Variants in FHIT observed in about 807,000 individuals in gnomAD.
The protein encoded by FHIT is fragile histidine triad diadenosine triphosphatase.
Under a neutral mutation model 17.9 loss-of-function variants are expected in FHIT, and 19 were observed. The observed-to-expected ratio is 1.06, with a 90% CI of 0.74 to 1.56. The LOEUF is 1.56. Among genes scored for constraint, FHIT ranks in the 40% most tolerant of loss-of-function variants. FHIT has a pLI of 0.00. For synonymous variants in FHIT, 81 were observed against 69.7 expected (o/e 1.16, Z -0.81); for missense variants, 248 against 189.2 (o/e 1.31, Z -1.82).
intron 3 of FHIT, among the ~76,000 whole-genome samples, chr3:60,831,874 G>C (rs1011173002): frequency 2.0e-5 from 3 of 151,996 alleles, no homozygotes; most frequent in African/African-American, 7.3e-5. Flanking sequence ...GATCTAAAAG[G>C]CTTCTTTCAG....
intron 5 of FHIT, among the ~76,000 whole-genome samples, chr3:60,412,774 C>G (rs1476240558): frequency 6.6e-6 from 1 of 152,232 alleles, no homozygotes; most frequent in African/African-American, 2.4e-5. Context: ...AGGGAGAGAC[C>G]TGTAATCCCC....
chr3:60,701,008 A>C (rs1577084764), intron 4 of FHIT, among the ~76,000 whole-genome samples: 1 of 152,080 alleles, frequency 6.6e-6, no homozygotes, highest in African/African-American at 2.4e-5. Context: ...CTGAATTTTT[A>C]GATTTTTATT....
intron 5 of FHIT, among the ~76,000 whole-genome samples, chr3:60,341,905 C>T (rs1002403438): frequency 1.3e-5 from 2 of 151,934 alleles, no homozygotes; most frequent in East Asian, 3.9e-4. Context: ...TTAGTTCAGC[C>T]AAAACGAGGT....
At chr3:60,919,454 A>G (rs1374763396) in intron 3 of FHIT, among the ~76,000 whole-genome samples, 1 of 151,558 alleles carries the variant, frequency 6.6e-6, no homozygotes, top group Non-Finnish European at 1.5e-5. Flanking sequence ...CAAGAAACAG[A>G]TGACTCACAA....
chr3:59,940,939 G>A (rs1706484648), intron 7 of FHIT, among the ~76,000 whole-genome samples: 1 of 151,990 alleles, frequency 6.6e-6, no homozygotes, highest in Admixed American at 6.6e-5. Context: ...AACAGTTCCG[G>A]TCCTATCTCA....
chr3:59,770,141 A>G (rs961576664), intron 8 of FHIT, among the ~76,000 whole-genome samples: 6 of 152,238 alleles, frequency 3.9e-5, no homozygotes, highest in Non-Finnish European at 7.3e-5. Context: ...TCCCACACTA[A>G]TAAGGCTCAA....
rs564032964 is a variant in FHIT at position 59,936,525 on chromosome 3, A to G, written c.280-14111T>C. ...TGCTCCATGAATAAACATTCGAGTG[A>G]AGCCTCTAATGGAGGTTACATGTTT... On this transcript the variant is annotated intron_variant, in intron 7 of 9. Transcript: ENST00000492590. Among the ~76,000 whole-genome samples, 16 of 152,338 alleles carry G rather than the reference A, an allele frequency of 1.1e-4. 1 individual carries two copies. The South Asian group carries it at 3.3e-3, about 32-fold the overall frequency.
chr3:60,681,362 C>A (rs958794267), intron 4 of FHIT, among the ~76,000 whole-genome samples: 4 of 152,130 alleles, frequency 2.6e-5, no homozygotes, highest in Admixed American at 6.6e-5. Flanking sequence ...ACTGACTAGC[C>A]ATTTTTCCCT....
intron 5 of FHIT, among the ~76,000 whole-genome samples, chr3:60,064,739 A>G (rs1702429208): frequency 1.3e-5 from 2 of 152,210 alleles, no homozygotes; most frequent in Non-Finnish European, 2.9e-5. Flanking sequence ...CTGCCAAATA[A>G]TCCAGTTTTG....
At chr3:59,758,922 G>C (rs560617823) in intron 8 of FHIT, among the ~76,000 whole-genome samples, 1 of 151,940 alleles carries the variant, frequency 6.6e-6, no homozygotes, top group East Asian at 1.9e-4. Context: ...CTACTGGGCT[G>C]AGTTCTAGAA....
chr3:61,189,258 CAAA>C, intron 2 of FHIT, among the ~76,000 whole-genome samples: 2 of 152,202 alleles, frequency 1.3e-5, no homozygotes, highest in East Asian at 3.9e-4. Flanking sequence ...AATCAACGTG[CAAA>C]AATCACAAGC....
In FHIT at chr3:59,958,512, T is replaced by C. The variant is rs1457208490; in HGVS notation, c.280-36098A>G. On this transcript the variant is annotated intron_variant, in intron 7 of 9. Transcript: ENST00000492590. ...AGGAAGAAAAAATATAATGAAGTGC[T>C]ATAATTAGGTATCTCACATGTAAGG... Among the ~76,000 whole-genome samples, 3 of 152,196 alleles carry C rather than the reference T, an allele frequency of 2.0e-5. No individual in the cohort carries two copies. In the East Asian group the frequency reaches 5.8e-4, roughly 29 times the overall value.
chr3:60,883,672 T>C (rs1705073199), intron 3 of FHIT, among the ~76,000 whole-genome samples: 3 of 151,804 alleles, frequency 2.0e-5, no homozygotes, highest in African/African-American at 7.2e-5. Flanking sequence ...GCAGAAAAAA[T>C]GAAACTAGAC....
intron 1 of FHIT, among the ~76,000 whole-genome samples, chr3:61,220,989 A>G (rs2039820609): frequency 6.6e-6 from 1 of 152,254 alleles, no homozygotes; most frequent in African/African-American, 2.4e-5. Flanking sequence ...AAGTAGCAGA[A>G]GCTCTGGAAA....
rs1161916275 is a variant in FHIT, at chr3:60,634,320, A to T, written c.-17-97341T>A. Among the ~76,000 whole-genome samples, 6 of 152,300 alleles carry T rather than the reference A, an allele frequency of 3.9e-5. No individual in the cohort carries two copies. The East Asian group carries it at 1.2e-3, about 29-fold the overall frequency. On this transcript the variant is annotated intron_variant, in intron 4 of 9. Transcript: ENST00000492590. Reference sequence around the variant, plus strand: ...AAAAAAATCTTTTCAAAAGCTAACAAACTGAACTAGGAGACGAAGAAAGAA... The same window carrying T: ...AAAAAAATCTTTTCAAAAGCTAACATACTGAACTAGGAGACGAAGAAAGAA...
intron 5 of FHIT, among the ~76,000 whole-genome samples, chr3:60,213,778 T>A (rs1221019402): frequency 6.6e-6 from 1 of 152,214 alleles, no homozygotes; most frequent in African/African-American, 2.4e-5. Flanking sequence ...TTCCATTACC[T>A]GATTGTGATC....
At chr3:61,140,200 T>C (rs1350304692) in intron 2 of FHIT, among the ~76,000 whole-genome samples, 1 of 152,138 alleles carries the variant, frequency 6.6e-6, no homozygotes, top group Non-Finnish European at 1.5e-5. Flanking sequence ...AACATTTAAA[T>C]AATAGTGATA....
intron 5 of FHIT, among the ~76,000 whole-genome samples, chr3:60,221,875 T>A (rs570717159): frequency 1.3e-5 from 2 of 152,202 alleles, no homozygotes; most frequent in African/African-American, 4.8e-5. Flanking sequence ...ATTTTTTTTT[T>A]AATTAGGCCT....
chr3:59,812,278 T>A (rs1407324480), intron 8 of FHIT, among the ~76,000 whole-genome samples: 2 of 152,146 alleles, frequency 1.3e-5, no homozygotes, highest in Non-Finnish European at 2.9e-5. Context: ...GCCCTCCTTG[T>A]CTTTGAGGAA....
Sources: gnomAD v4.1 joint callset for allele counts (sites outside exome capture counted in the v4.1 genomes callset) on GRCh38, gnomAD v4.1.1 for gene constraint, MANE v1.5 for transcripts, NCBI Gene and HGNC (gene_info 2026-07-23, HGNC 2026-07-21) for gene names.